CPNE6: variants seen among roughly 807,000 people sequenced by gnomAD.
CPNE6 encodes the protein copine 6, also known as copine-6.
A neutral mutation model predicts 71.5 loss-of-function variants in CPNE6; 33 were observed. The observed-to-expected ratio is 0.46, with a 90% confidence interval of 0.35 to 0.62. The LOEUF (loss-of-function observed/expected upper bound fraction) is 0.62, where lower values mean the gene tolerates loss of function less well. Ranked by LOEUF, CPNE6 falls within the 20% of genes least tolerant of loss-of-function variation. The pLI, the probability that CPNE6 is intolerant of heterozygous loss-of-function variation, is 0.00. For missense variants in CPNE6, 576 were observed against 747.3 expected, an observed-to-expected ratio of 0.77 and a Z score of 2.67; for synonymous variants, 296 against 293.0, an observed-to-expected ratio of 1.01 and a Z score of -0.10.
At position 24,073,680 on chromosome 14, in the gene CPNE6, T is replaced by C. The variant is rs1594227875; in HGVS notation, c.348+2T>C. 1 of 1,610,510 alleles carries C rather than the reference T, an allele frequency of 6.2e-7. No homozygotes were observed. On this transcript the variant is annotated splice_donor_variant, in intron 4 of 17. Coordinates refer to ENST00000397016, the Ensembl canonical transcript of CPNE6. LOFTEE classifies it high-confidence loss of function. This position sits in a 1 kb window ranked among gnomAD's most constrained non-coding sequence, Gnocchi z 5.5. ...TCTACGGAGTGCACCTTGGGCCAGG[T>C]CTGCATTCCCGGCCTCCCCGGCTAC...
chr14:24,071,510 C>CCA, intron 1 of CPNE6, 52 bp from the exon 1 acceptor site: 1 of 1,487,850 alleles, frequency 6.7e-7, no homozygotes, highest in Non-Finnish European at 8.9e-7. Context: ...CGCCCCCCCC[C>CCA]ACCCCTCCCC....
Position 24,077,500 on chromosome 14 carries a change from G to C in CPNE6, c.1537-93G>C. 6.3e-7 allele frequency: 1 copy of C among 1,580,446 alleles called. No homozygotes were observed. The highest frequency in any genetic ancestry group is 8.7e-7 in the Non-Finnish European group (1 of 1,151,528). ...GTCCTGCTAAGGACGCGGGAGCCCAGCTGGCCACCCTGAAGCCCCACTTCT... is the reference window on the plus strand; with the variant it reads ...GTCCTGCTAAGGACGCGGGAGCCCACCTGGCCACCCTGAAGCCCCACTTCT... On this transcript the variant is annotated intron_variant, in intron 16 of 17. Coordinates refer to ENST00000397016, the Ensembl canonical transcript of CPNE6. The surrounding 1 kb of genome is among the most constrained non-coding windows in gnomAD (Gnocchi z 6.1).
At chr14:24,071,231 G>A (rs948797119) in intron 1 of CPNE6, 4 of 1,036,564 alleles carry the variant, frequency 3.9e-6, no homozygotes, top group Admixed American at 2.7e-5. Flanking sequence ...AGATATGTGT[G>A]AGCCTGTGAG....
chr14:24,074,249 G>T lies in CPNE6; in HGVS notation c.424-42G>T, dbSNP rs377484368. 6 of 1,604,710 alleles carry T rather than the reference G, an allele frequency of 3.7e-6. No homozygotes were observed. The African/African-American group carries it at 5.4e-5, about 14-fold the overall frequency. ...GGAAAGGGGATGGGGTGGCCCTTGT[G>T]GTAAGGTTAGGGGAGTCCTGCCACT... On this transcript the variant is annotated intron_variant, in intron 5 of 17. Transcript: ENST00000397016. This position sits in a 1 kb window ranked among gnomAD's most constrained non-coding sequence, Gnocchi z 4.5.
rs2036153643 is a variant in CPNE6 at position 24,077,919 on chromosome 14, CCAA to C, written c.*70_*72del. On this transcript the variant is annotated 3_prime_UTR_variant, in exon 18 of 18. Transcript: ENST00000397016. This position sits in a 1 kb window ranked among gnomAD's most constrained non-coding sequence, Gnocchi z 6.1. The stretch of plus-strand genomic sequence containing the variant: ...GTCCTGACCCTCGTGACTCCAGTGA[CCAA>C]TGCCTCCACCTCTTGGACCAGGTGT... The C allele has an allele frequency of 7.5e-6, 4 of 532,238 alleles. No individual in the cohort carries two copies. In the African/African-American group the frequency reaches 7.7e-5, roughly 10 times the overall value. The allele number at this position is 532,238 out of a possible 1,614,324, so 33.0% of individuals were successfully genotyped here.
rs137919166 is a variant in CPNE6, at chr14:24,077,259, G to A, written c.1405G>A (p.Val469Ile). The change falls in exon 16 of 18, where the codon GTA (valine) becomes ATA (isoleucine). Residue 469 changes from valine (V) to isoleucine (I), a missense_variant. This residue lies in a region of CPNE6 where 264 missense variants were observed against 339.9 expected (regional missense o/e 0.78). Transcript: ENST00000397016. The surrounding 1 kb of genome is among the most constrained non-coding windows in gnomAD (Gnocchi z 6.1). ...CCGCCTGCCCATGTCCATCATCATC[G>A]TAGGCGTGGGCAATGCTGACTTCTC... 5 of 1,613,520 alleles carry A rather than the reference G, an allele frequency of 3.1e-6. No individual in the cohort carries two copies. The highest frequency in any genetic ancestry group is 2.2e-5 in the East Asian group (1 of 44,892).
In CPNE6 at chr14:24,074,095, T is replaced by C. The variant is rs536286472; in HGVS notation, c.393T>C (p.Asn131=). 1.2e-6 allele frequency: 2 copies of C among 1,614,152 alleles called. No individual in the cohort carries two copies. The highest frequency in any genetic ancestry group is 2.2e-5 in the South Asian group (2 of 91,080). Reference sequence around the variant, plus strand: ...TCACTAAGCCATTATTGCTGAAGAATGGGAAGACTGCGGGCAAGTCCACCA... The same window carrying C: ...TCACTAAGCCATTATTGCTGAAGAACGGGAAGACTGCGGGCAAGTCCACCA... The change falls in exon 5 of 18, where the codon AAT becomes AAC. Residue 131 remains asparagine, a synonymous_variant. Coordinates refer to ENST00000397016, the Ensembl canonical transcript of CPNE6. This position sits in a 1 kb window ranked among gnomAD's most constrained non-coding sequence, Gnocchi z 4.5.
At position 24,075,929 on chromosome 14, in the gene CPNE6, T is replaced by C. The variant is rs371196801; in HGVS notation, c.924+43T>C. ...GGGCACACAGGCAAGAGGGAGGGGC[T>C]GAGTCCATAGTGAAAGGAAGGAGCC... On this transcript the variant is annotated intron_variant, in intron 11 of 17. Transcript: ENST00000397016. This position sits in a 1 kb window ranked among gnomAD's most constrained non-coding sequence, Gnocchi z 4.3. The C allele has an allele frequency of 3.1e-6, 5 of 1,607,416 alleles. No homozygotes were observed. The African/African-American group carries it at 5.3e-5, about 17-fold the overall frequency.
rs531520852 is a variant in CPNE6, at chr14:24,074,933, A to G, written c.672+138A>G. ...CCCACTGTGGGATAAATAATAGGTC[A>G]CAGCTCAATGTTAAACTTCCCACAT... is the stretch of plus-strand genomic sequence containing the variant. On this transcript the variant is annotated intron_variant, in intron 8 of 17. Transcript: ENST00000397016. This position sits in a 1 kb window ranked among gnomAD's most constrained non-coding sequence, Gnocchi z 4.5. The G allele has an allele frequency of 1.3e-6, 1 of 781,410 alleles. No individual in the cohort carries two copies. Among genetic ancestry groups the G allele is most frequent in the African/African-American group, 1.7e-5 (1 of 58,430 alleles). 48.4% of individuals were successfully genotyped at this position (781,410 alleles called of 1,614,324 possible). A position where few individuals can be genotyped will look rare whatever the true frequency, so the allele number is the denominator to read the frequency against.
rs1443934222 is a variant in CPNE6, at chr14:24,071,401, T to G, written c.-119-126T>G. 3 of 1,452,030 alleles carry G rather than the reference T, an allele frequency of 2.1e-6. No individual in the cohort carries two copies. In the African/African-American group the frequency reaches 4.3e-5, roughly 21 times the overall value. The allele number at this position is 1,452,030 out of a possible 1,614,324, so 89.9% of individuals were successfully genotyped here. ...TCCTGCCTCTAAGCCACCCCCAGCC[T>G]GCCCTCCTCCCCCGGTTCTGTGGCT... is the stretch of plus-strand genomic sequence containing the variant. On this transcript the variant is annotated intron_variant, in intron 1 of 17. Coordinates refer to ENST00000397016, the Ensembl canonical transcript of CPNE6.
exon 1 of CPNE6, chr14:24,070,978 A>G: frequency 6.5e-7 from 1 of 1,535,512 alleles, no homozygotes; most frequent in Admixed American, 2.0e-5. Flanking sequence ...TCAGCAAGGT[A>G]TGTGATGGCT....
In CPNE6 at chr14:24,074,080, A is replaced by G; in HGVS notation, c.378A>G (p.Pro126=). The change falls in exon 5 of 18, where the codon CCA becomes CCG. Residue 126 remains proline (P), a synonymous_variant. Coordinates refer to ENST00000397016, the Ensembl canonical transcript of CPNE6. This position sits in a 1 kb window ranked among gnomAD's most constrained non-coding sequence, Gnocchi z 4.5. ...TGTCACAAACCAAGGTCACTAAGCC[A>G]TTATTGCTGAAGAATGGGAAGACTG... 1 of 1,614,144 alleles carries G rather than the reference A, an allele frequency of 6.2e-7. No homozygotes were observed. Among genetic ancestry groups the G allele is most frequent in the Non-Finnish European group, 8.5e-7 (1 of 1,180,022 alleles).
At chr14:24,071,482 CG>C in intron 1 of CPNE6, 79 bp from the exon 1 acceptor site, 4 of 1,526,132 alleles carry the variant, frequency 2.6e-6, no homozygotes, top group East Asian at 2.5e-5. Flanking sequence ...TCCATCCACG[CG>C]GGGGGAGCTG....
In CPNE6 at chr14:24,075,199, G is replaced by A; in HGVS notation, c.700G>A (p.Gly234Arg). The change falls in exon 9 of 18, where the codon GGG becomes AGG. Residue 234 changes from glycine (G) to arginine (R), a missense_variant. By Grantham distance (125) the Gly-to-Arg change is moderately radical. Coordinates refer to ENST00000397016, the Ensembl canonical transcript of CPNE6. This position sits in a 1 kb window ranked among gnomAD's most constrained non-coding sequence, Gnocchi z 4.3. Reference sequence around the variant, plus strand: ...CCTGGTGTATGACTATGACTCCAGTGGGAAGCATGACTTCATCGGCGAGTT... The same window carrying A: ...CCTGGTGTATGACTATGACTCCAGTAGGAAGCATGACTTCATCGGCGAGTT... 1 of 1,614,010 alleles carries A rather than the reference G, an allele frequency of 6.2e-7. No homozygotes were observed. The highest frequency in any genetic ancestry group is 1.7e-5 in the Admixed American group (1 of 60,012).
Position 24,074,949 on chromosome 14 carries a change from C to T in CPNE6, c.672+154C>T, listed in dbSNP as rs893598297. Among the ~76,000 whole-genome samples the T allele has an allele frequency of 2.0e-5, 3 of 152,206 alleles. No homozygotes were observed. The highest frequency in any genetic ancestry group is 7.2e-5 in the African/African-American group (3 of 41,440). On this transcript the variant is annotated intron_variant, in intron 8 of 17. Transcript: ENST00000397016. The surrounding 1 kb of genome is among the most constrained non-coding windows in gnomAD (Gnocchi z 4.5). ...TAATAGGTCACAGCTCAATGTTAAACTTCCCACATGTGTGCATTTTATCAG... is the reference window on the plus strand; with the variant it reads ...TAATAGGTCACAGCTCAATGTTAAATTTCCCACATGTGTGCATTTTATCAG...
chr14:24,071,402 G>A, intron 1 of CPNE6, 160 bp from the exon 1 acceptor site: 1 of 1,452,294 alleles, frequency 6.9e-7, no homozygotes, highest in Non-Finnish European at 9.0e-7. Context: ...CCCCCAGCCT[G>A]CCCTCCTCCC....
Position 24,075,392 on chromosome 14 carries a change from G to T in CPNE6, c.778-113G>T, listed in dbSNP as rs2036027968. 1.4e-6 allele frequency: 2 copies of T among 1,390,038 alleles called. No homozygotes were observed. The highest frequency in any genetic ancestry group is 2.0e-6 in the Non-Finnish European group (2 of 981,206). The allele number at this position is 1,390,038 out of a possible 1,614,324, so 86.1% of individuals were successfully genotyped here. A position where few individuals can be genotyped will look rare whatever the true frequency, so the allele number is the denominator to read the frequency against. Reference sequence around the variant, plus strand: ...AGTGGAGAGGGTGGAAAGCACCTGGGCTCAGCTGAAGGACGGAACCATGGG... The same window carrying T: ...AGTGGAGAGGGTGGAAAGCACCTGGTCTCAGCTGAAGGACGGAACCATGGG... On this transcript the variant is annotated intron_variant, in intron 9 of 17. Coordinates refer to ENST00000397016, the Ensembl canonical transcript of CPNE6. This position sits in a 1 kb window ranked among gnomAD's most constrained non-coding sequence, Gnocchi z 4.3.
exon 15 of CPNE6, chr14:24,077,000 C>T (rs777727487): frequency 3.2e-5 from 51 of 1,610,800 alleles, no homozygotes; most frequent in South Asian, 2.1e-4. Flanking sequence ...AGCAGAGCAC[C>T]GGCCAAGCCA....
Position 24,075,671 on chromosome 14 carries a change from C to G in CPNE6, c.864+80C>G. 7.1e-7 allele frequency: 1 copy of G among 1,410,304 alleles called. No homozygotes were observed. The highest frequency in any genetic ancestry group is 1.2e-5 in the South Asian group (1 of 81,760). 87.4% of individuals were successfully genotyped at this position (1,410,304 alleles called of 1,614,324 possible). Reference sequence around the variant, plus strand: ...CTCAGGTTCAACCCTTCCCTTGTTTCAAAGACCAGTTTCTCTGCTTCTGGG... The same window carrying G: ...CTCAGGTTCAACCCTTCCCTTGTTTGAAAGACCAGTTTCTCTGCTTCTGGG... On this transcript the variant is annotated intron_variant, in intron 10 of 17. Coordinates refer to ENST00000397016, the Ensembl canonical transcript of CPNE6. The surrounding 1 kb of genome is among the most constrained non-coding windows in gnomAD (Gnocchi z 4.3).
Sources: allele counts gnomAD v4.1 joint callset (sites outside exome capture counted in the v4.1 genomes callset), GRCh38; gene constraint gnomAD v4.1.1; regional missense constraint gnomAD v4.1.1; non-coding constraint Gnocchi (gnomAD v3.1); transcripts MANE v1.5; gene names NCBI Gene and HGNC (gene_info 2026-07-23, HGNC 2026-07-21).